The following UNC13C variants were observed in gnomAD, a reference collection of about 807,000 sequenced individuals.
UNC13C encodes protein unc-13 homolog C.
A neutral mutation model predicts 245.4 loss-of-function variants in UNC13C; 174 were observed. That is an observed-to-expected ratio of 0.71 (90% CI 0.63 to 0.80). The LOEUF is 0.80. UNC13C is among the 30% of genes least tolerant of loss of function. The pLI, the probability that UNC13C is intolerant of heterozygous loss-of-function variation, is 0.00. For missense variants in UNC13C, 2,829 were observed against 2,602.9 expected (o/e 1.09, Z -1.89); for synonymous variants, 992 against 895.1 (o/e 1.11, Z -1.93).
the UNC13C span, among the ~76,000 whole-genome samples, chr15:53,888,872 T>G: frequency 6.6e-6 from 1 of 152,298 alleles, no homozygotes; most frequent in African/African-American, 2.4e-5. Context: ...ATGTGTGGTG[T>G]TATTTCTGAG....
chr15:54,555,395 T>C (rs1897045033), intron 28 of UNC13C, 37 bp from the exon 29 acceptor site: 10 of 1,569,734 alleles, frequency 6.4e-6, no homozygotes, highest in Non-Finnish European at 7.9e-6. Flanking sequence ...ATACATGAAC[T>C]GGTTGTTTTA....
intron 2 of UNC13C, among the ~76,000 whole-genome samples, chr15:54,033,096 A>C (rs781137719): frequency 1.6e-4 from 24 of 152,316 alleles, no homozygotes; most frequent in Non-Finnish European, 3.1e-4. Flanking sequence ...GAACTTACTC[A>C]TGTAACCAAA....
chr15:54,131,234 T>G (rs1450064270), intron 2 of UNC13C, among the ~76,000 whole-genome samples: 2 of 152,200 alleles, frequency 1.3e-5, no homozygotes, highest in African/African-American at 2.4e-5. Flanking sequence ...TCCTTCCATG[T>G]GGTATCTTAT....
At chr15:53,973,714 C>A (rs1254950205), upstream of UNC13C, among the ~76,000 whole-genome samples, 1 of 152,080 alleles carries the variant, frequency 6.6e-6, no homozygotes, top group Non-Finnish European at 1.5e-5. Flanking sequence ...ACAGTGCTGA[C>A]ACATTTTTAA....
At chr15:53,960,861 T>G in the UNC13C span, among the ~76,000 whole-genome samples, 1 of 152,224 alleles carries the variant, frequency 6.6e-6, no homozygotes, top group African/African-American at 2.4e-5. Context: ...CCCCACCACA[T>G]AGCTTTCCTG....
intron 30 of UNC13C, 79 bp from the exon 31 acceptor site, chr15:54,622,248 G>GT (rs748047242): frequency 5.0e-5 from 47 of 947,382 alleles, no homozygotes; most frequent in Non-Finnish European, 6.4e-5. Context: ...TACATTTTAT[G>GT]TTTTTTATGC....
chr15:54,601,733 G>A (rs1356757292), intron 30 of UNC13C, among the ~76,000 whole-genome samples: 1 of 152,120 alleles, frequency 6.6e-6, no homozygotes, highest in Non-Finnish European at 1.5e-5. Flanking sequence ...CCATTCCAAA[G>A]GAGTTTTTTC....
chr15:54,281,232 T>C (rs2036988518), intron 10 of UNC13C, among the ~76,000 whole-genome samples: 2 of 152,220 alleles, frequency 1.3e-5, no homozygotes, highest in South Asian at 4.1e-4. Context: ...CAATTTTCTT[T>C]CCAATTCACT....
chr15:54,237,753 C>G, intron 7 of UNC13C, 63 bp downstream of exon 7: 1 of 1,329,148 alleles, frequency 7.5e-7, no homozygotes, highest in Non-Finnish European at 1.1e-6. Context: ...AAGGGAGAAA[C>G]TGTTCTGCTT....
At chr15:54,509,067 C>G (rs552116568) in intron 23 of UNC13C, among the ~76,000 whole-genome samples, 1 of 152,070 alleles carries the variant, frequency 6.6e-6, no homozygotes, top group Admixed American at 6.5e-5. Flanking sequence ...GGTGTGGTGG[C>G]GTGCACCTGT....
intron 18 of UNC13C, among the ~76,000 whole-genome samples, chr15:54,407,854 A>G (rs543858227): frequency 1.3e-5 from 2 of 152,150 alleles, no homozygotes; most frequent in Admixed American, 1.3e-4. Flanking sequence ...CAAAAAAGAA[A>G]GAAAAAGTTA....
Position 54,207,565 on chromosome 15 carries a change from G to A in UNC13C, c.3072-27465G>A, listed in dbSNP as rs565318484. Among the ~76,000 whole-genome samples the A allele has an allele frequency of 1.5e-4, 23 of 152,066 alleles. No individual in the cohort carries two copies. In the South Asian group the frequency reaches 4.4e-3, roughly 29 times the overall value. ...TTTACAATTAAGTTTTTGAGGGAAT[G>A]GAATAATTCATCTACGTTAATTATC... is the stretch of plus-strand genomic sequence containing the variant. On this transcript the variant is annotated intron_variant, in intron 4 of 32. Transcript: ENST00000260323.
chr15:54,347,914 C>A (rs28523332), intron 17 of UNC13C, among the ~76,000 whole-genome samples: 2,592 of 152,176 alleles, frequency 0.017, 71 homozygotes, highest in African/African-American at 0.059. Flanking sequence ...ACATTTATTA[C>A]ATATATCTAT....
the UNC13C span, among the ~76,000 whole-genome samples, chr15:53,946,134 G>A: frequency 1.3e-5 from 2 of 152,138 alleles, no homozygotes; most frequent in Middle Eastern, 3.4e-3. Flanking sequence ...GGGAGCTTTT[G>A]GGCCAAGGCT....
chr15:54,547,023 T>C (rs746765590), intron 27 of UNC13C, among the ~76,000 whole-genome samples, 178 bp downstream of exon 27: 1 of 152,200 alleles, frequency 6.6e-6, no homozygotes, highest in African/African-American at 2.4e-5. Flanking sequence ...TTTTAAATAA[T>C]GGCAATAGCA....
At chr15:54,256,262 A>G (rs546236304) in intron 8 of UNC13C, among the ~76,000 whole-genome samples, 8 of 152,300 alleles carry the variant, frequency 5.3e-5, no homozygotes, top group Non-Finnish European at 8.8e-5. Flanking sequence ...CAGGATGACT[A>G]TAGGGCATCT....
At chr15:53,945,837 C>A in the UNC13C span, among the ~76,000 whole-genome samples, 1 of 151,970 alleles carries the variant, frequency 6.6e-6, no homozygotes, top group Non-Finnish European at 1.5e-5. Context: ...CTGCTTTGGG[C>A]AGTATGGTCA....
chr15:54,549,939 G>C (rs925368437), intron 28 of UNC13C, among the ~76,000 whole-genome samples: 1 of 152,114 alleles, frequency 6.6e-6, no homozygotes, highest in Admixed American at 6.6e-5. Context: ...AGACAAAATG[G>C]AACACTGCAT....
chr15:54,424,332 C>T (rs539895249), intron 19 of UNC13C, among the ~76,000 whole-genome samples: 1 of 151,828 alleles, frequency 6.6e-6, no homozygotes, highest in Non-Finnish European at 1.5e-5. Flanking sequence ...AAGGAGGTAG[C>T]AGTTGGCATG....
Sources: allele counts gnomAD v4.1 joint callset (sites outside exome capture counted in the v4.1 genomes callset), GRCh38; gene constraint gnomAD v4.1.1; transcripts MANE v1.5; gene names NCBI Gene and HGNC (gene_info 2026-07-23, HGNC 2026-07-21).